The following MTTP variants were observed in gnomAD, a reference collection of about 807,000 sequenced individuals.
The protein encoded by MTTP is microsomal triglyceride transfer protein.
Under a neutral mutation model 90.6 loss-of-function variants are expected in MTTP, and 49 were observed. The ratio of observed to expected loss-of-function variants is 0.54; its 90% CI spans 0.43 to 0.69. The LOEUF (loss-of-function observed/expected upper bound fraction) is 0.69. MTTP is among the 30% of genes least tolerant of loss of function. The pLI, the probability that MTTP is intolerant of heterozygous loss-of-function variation, is 0.00. For synonymous variants in MTTP, 347 were observed against 384.2 expected (o/e 0.90, Z 1.13); for missense variants, 945 against 1,067.5 (o/e 0.89, Z 1.60).
At chr4:99,574,721 A>G, upstream of MTTP, 2 of 1,330,940 alleles carry the variant, frequency 1.5e-6, no homozygotes, top group Non-Finnish European at 2.1e-6. Context: ...ACGTTTAATC[A>G]TTAATAGTGA....
chr4:99,598,719 A>G (rs1208145296), intron 8 of MTTP, among the ~76,000 whole-genome samples: 2 of 132,060 alleles, frequency 1.5e-5, no homozygotes, highest in East Asian at 2.3e-4. Context: ...GCTGGAGTGC[A>G]ATGGCGCAAT....
intron 1 of MTTP, among the ~76,000 whole-genome samples, chr4:99,566,837 C>A (rs1156534579): frequency 6.6e-6 from 1 of 152,110 alleles, no homozygotes; most frequent in Non-Finnish European, 1.5e-5. Context: ...ACAGTAATAA[C>A]TATGATTATG....
At position 99,623,741 on chromosome 4, in the gene MTTP, C is replaced by T. The variant is rs1218323771; in HGVS notation, c.*893C>T. 18 of 152,082 alleles carry T rather than the reference C, an allele frequency of 1.2e-4. No individual in the cohort carries two copies. Among genetic ancestry groups the T allele is most frequent in the Admixed American group, 1.2e-3 (18 of 15,270 alleles). The allele number at this position is 152,082 out of a possible 1,614,324, so 9.4% of individuals were successfully genotyped here. The stretch of plus-strand genomic sequence containing the variant: ...ACAATAGCTAGGATGACTAAGAGAA[C>T]ATTGCTTCAAGAAACTGGTGGATTT... On this transcript the variant is annotated 3_prime_UTR_variant, in exon 18 of 18. Coordinates refer to ENST00000265517, the MANE Select transcript of MTTP (RefSeq NM_001386140.1).
At chr4:99,611,837 T>A (rs1249810285) in intron 14 of MTTP, among the ~76,000 whole-genome samples, 7 of 152,330 alleles carry the variant, frequency 4.6e-5, no homozygotes, top group Admixed American at 2.0e-4. Context: ...AATTCTAGAA[T>A]ATATTTTCCT....
rs1472176909 is a variant in MTTP, at chr4:99,623,219, A to G, written c.*371A>G. ...TGTTTCAACAATTTTTGATCAATGTATATGAAGCTCTTGATAGGACTTCCT... is the reference window on the plus strand; with the variant it reads ...TGTTTCAACAATTTTTGATCAATGTGTATGAAGCTCTTGATAGGACTTCCT... On this transcript the variant is annotated 3_prime_UTR_variant, in exon 18 of 18. Coordinates refer to ENST00000265517, the MANE Select transcript of MTTP (RefSeq NM_001386140.1). 6 of 261,332 alleles carry G rather than the reference A, an allele frequency of 2.3e-5. No individual in the cohort carries two copies. In the East Asian group the frequency reaches 4.6e-4, roughly 20 times the overall value. 16.2% of individuals were successfully genotyped at this position (261,332 alleles called of 1,614,324 possible).
At chr4:99,604,434 A>C (rs1725766388) in intron 10 of MTTP, among the ~76,000 whole-genome samples, 1 of 152,170 alleles carries the variant, frequency 6.6e-6, no homozygotes, top group African/African-American at 2.4e-5. Flanking sequence ...TTGTACTTGA[A>C]AAAATGTAAA....
At chr4:99,580,179 A>T (rs1473610873) in intron 1 of MTTP, among the ~76,000 whole-genome samples, 2 of 151,766 alleles carry the variant, frequency 1.3e-5, no homozygotes, top group Non-Finnish European at 2.9e-5. Context: ...ATGAATGAAT[A>T]AATTTCTAGC....
intron 3 of MTTP, among the ~76,000 whole-genome samples, chr4:99,587,970 G>T (rs930707984): frequency 6.6e-6 from 1 of 152,120 alleles, no homozygotes; most frequent in Non-Finnish European, 1.5e-5. Context: ...CATTATTCCA[G>T]TTCCTTTCTA....
intron 6 of MTTP, among the ~76,000 whole-genome samples, chr4:99,593,193 T>C (rs902975430): frequency 2.0e-5 from 3 of 152,208 alleles, no homozygotes; most frequent in Non-Finnish European, 4.4e-5. Flanking sequence ...TTTTACATCA[T>C]CTACAACAAT....
At chr4:99,599,800 A>T (rs531961349) in intron 8 of MTTP, among the ~76,000 whole-genome samples, 1 of 152,176 alleles carries the variant, frequency 6.6e-6, no homozygotes, top group Admixed American at 6.5e-5. Context: ...AAATAGTACA[A>T]GTATATCATT....
At chr4:99,566,855 C>T (rs2110203086) in intron 1 of MTTP, among the ~76,000 whole-genome samples, 1 of 152,220 alleles carries the variant, frequency 6.6e-6, no homozygotes, top group East Asian at 1.9e-4. Flanking sequence ...ATGAACCCCT[C>T]CGTAAGTTTG....
chr4:99,598,641 C>T (rs1725616155), intron 8 of MTTP, among the ~76,000 whole-genome samples: 2 of 145,248 alleles, frequency 1.4e-5, no homozygotes, highest in South Asian at 4.5e-4. Context: ...ACAGTATATC[C>T]TTCAAGGAAG....
intron 15 of MTTP, 138 bp downstream of exon 15, chr4:99,613,278 G>A (rs1440968512): frequency 5.4e-6 from 4 of 734,484 alleles, no homozygotes; most frequent in Non-Finnish European, 9.5e-6. Context: ...TGGCCCTCTT[G>A]GTATTGGTCC....
intron 1 of MTTP, chr4:99,564,292 C>A: frequency 2.0e-6 from 3 of 1,475,338 alleles, no homozygotes; most frequent in African/African-American, 1.4e-5. Context: ...TGCAAAACAA[C>A]GAAGAAAGGC....
chr4:99,595,258 C>T (rs1474856636), intron 7 of MTTP, among the ~76,000 whole-genome samples: 2 of 152,122 alleles, frequency 1.3e-5, no homozygotes, highest in Admixed American at 1.3e-4. Context: ...AGGTGACATA[C>T]TTTACTGGCC....
chr4:99,589,847 G>A, intron 4 of MTTP, 97 bp downstream of exon 4: 1 of 861,510 alleles, frequency 1.2e-6, no homozygotes, highest in Admixed American at 1.9e-5. Context: ...CTAAGGTAAT[G>A]CTCAGAAAAG....
intron 14 of MTTP, 147 bp downstream of exon 14, chr4:99,611,600 G>A: frequency 5.4e-6 from 6 of 1,114,626 alleles, no homozygotes; most frequent in Non-Finnish European, 7.9e-6. Flanking sequence ...TTCCTTATCT[G>A]TAAGAGGCTG....
chr4:99,606,879 T>C lies in MTTP; in HGVS notation c.1476T>C (p.Tyr492=). Residue 492 remains tyrosine, a synonymous_variant, in exon 11 of 18, where the codon TAT becomes TAC. Coordinates refer to ENST00000265517, the MANE Select transcript of MTTP (RefSeq NM_001386140.1). ...AAGGCATCCCAAGTCTTCTGAAGTA[T>C]GCAGAAGCAGGAGAAGGGCCCATCA... is the stretch of plus-strand genomic sequence containing the variant. ...LPEGIPSLLK[Y]AEAGEGPISH... is the part of the protein sequence containing the mutation. 2 of 1,614,046 alleles carry C rather than the reference T, an allele frequency of 1.2e-6. No homozygotes were observed. The highest frequency in any genetic ancestry group is 1.7e-6 in the Non-Finnish European group (2 of 1,179,998).
At position 99,589,742 on chromosome 4, in the gene MTTP, A is replaced by G; in HGVS notation, c.493A>G (p.Thr165Ala). 6.4e-7 allele frequency: 1 copy of G among 1,563,406 alleles called. No homozygotes were observed. Among genetic ancestry groups the G allele is most frequent in the South Asian group, 1.1e-5 (1 of 89,922 alleles). ...TCAGACACAGTTAAGCTCTGGAACCACCAATGAGGTACTTACCAATATTAA... is the reference window on the plus strand; with the variant it reads ...TCAGACACAGTTAAGCTCTGGAACCGCCAATGAGGTACTTACCAATATTAA... ...LFQTQLSSGT[T>A]NEVDISGNCK... Residue 165 changes from threonine (T) to alanine (A), a missense_variant, in exon 4 of 18, where the codon ACC becomes GCC. By Grantham distance (58) the Thr-to-Ala change is moderately conservative. Coordinates refer to ENST00000265517, the MANE Select transcript of MTTP (RefSeq NM_001386140.1).
Sources: allele counts gnomAD v4.1 joint callset (sites outside exome capture counted in the v4.1 genomes callset), GRCh38; gene constraint gnomAD v4.1.1; transcripts MANE v1.5; gene names NCBI Gene and HGNC (gene_info 2026-07-23, HGNC 2026-07-21).